The following CDH20 variants were observed in gnomAD, a reference collection of about 807,000 sequenced individuals.
CDH20 encodes cadherin-20.
In CDH20, 29 loss-of-function variants were observed where a neutral mutation model predicts 74.2. That is an observed-to-expected ratio of 0.39 (90% CI 0.29 to 0.53). The LOEUF is 0.53. CDH20 is among the 20% of genes least tolerant of loss of function. The pLI, the probability that CDH20 is intolerant of heterozygous loss-of-function variation, is 0.69. For missense variants in CDH20, 988 were observed against 1,048.3 expected, an observed-to-expected ratio of 0.94 and a Z score of 0.79; for synonymous variants, 469 against 405.4, an observed-to-expected ratio of 1.16 and a Z score of -1.88.
intron 1 of CDH20, among the ~76,000 whole-genome samples, chr18:61,418,431 G>A (rs776741868): frequency 6.6e-6 from 1 of 151,880 alleles, no homozygotes; most frequent in East Asian, 1.9e-4. Context: ...GTGGGCGCCT[G>A]TAGTCCCAGC....
At chr18:61,507,079 C>T (rs1460317158) in intron 5 of CDH20, among the ~76,000 whole-genome samples, 1 of 152,178 alleles carries the variant, frequency 6.6e-6, no homozygotes, top group Non-Finnish European at 1.5e-5. Context: ...GATTTGAATC[C>T]AAGGTACTTC....
chr18:61,344,667 G>C (rs1910058652), intron 1 of CDH20, among the ~76,000 whole-genome samples: 1 of 152,078 alleles, frequency 6.6e-6, no homozygotes, highest in African/African-American at 2.4e-5. Flanking sequence ...TTAAGTAAAT[G>C]AGCAAAATAA....
At chr18:61,426,644 T>C (rs1913080599) in intron 1 of CDH20, among the ~76,000 whole-genome samples, 1 of 152,214 alleles carries the variant, frequency 6.6e-6, no homozygotes, top group South Asian at 2.1e-4. Context: ...GTTCTCTCCA[T>C]GACAGGTCAG....
intron 1 of CDH20, among the ~76,000 whole-genome samples, chr18:61,352,291 G>A (rs1910330568): frequency 6.6e-6 from 1 of 152,214 alleles, no homozygotes. Flanking sequence ...GCATTGAGAG[G>A]AGCATAAAAG....
At chr18:61,550,324 T>C in intron 11 of CDH20, 95 bp downstream of exon 11, 1 of 1,433,952 alleles carries the variant, frequency 7.0e-7, no homozygotes, top group East Asian at 2.3e-5. Context: ...TCAGAACTGG[T>C]CTTCCACACC....
chr18:61,515,851 C>T (rs1026997496), intron 6 of CDH20, among the ~76,000 whole-genome samples: 6 of 151,044 alleles, frequency 4.0e-5, no homozygotes, highest in African/African-American at 9.7e-5. Flanking sequence ...GTGGGTGCAG[C>T]GCACCAGCAT....
chr18:61,476,286 A>G (rs896667370), intron 1 of CDH20, among the ~76,000 whole-genome samples: 2 of 152,160 alleles, frequency 1.3e-5, no homozygotes, highest in Non-Finnish European at 2.9e-5. Flanking sequence ...GTGCATGTGG[A>G]AATCACATGT....
intron 1 of CDH20, among the ~76,000 whole-genome samples, chr18:61,415,663 T>C (rs1254711459): frequency 6.6e-6 from 1 of 152,232 alleles, no homozygotes; most frequent in African/African-American, 2.4e-5. Context: ...AATGCTGCTC[T>C]CCACCTCTTT....
At chr18:61,472,919 T>C (rs773795748) in intron 1 of CDH20, among the ~76,000 whole-genome samples, 52 of 152,376 alleles carry the variant, frequency 3.4e-4, no homozygotes, top group Non-Finnish European at 5.4e-4. Flanking sequence ...GTCGTGCTTA[T>C]GTCTGTGAGT....
At chr18:61,379,443 G>A (rs1436721481) in intron 1 of CDH20, among the ~76,000 whole-genome samples, 2 of 152,088 alleles carry the variant, frequency 1.3e-5, no homozygotes, top group Admixed American at 6.6e-5. Flanking sequence ...TGACTTCTCT[G>A]GCTTTAAGAT....
chr18:61,526,360 C>T (rs1019430540), intron 6 of CDH20, among the ~76,000 whole-genome samples: 2 of 151,994 alleles, frequency 1.3e-5, no homozygotes, highest in African/African-American at 4.8e-5. Context: ...GTTAAAGCAG[C>T]ACCTACCGAT....
At chr18:61,502,570 T>C (rs558839606) in intron 4 of CDH20, among the ~76,000 whole-genome samples, 91 of 152,296 alleles carry the variant, frequency 6.0e-4, no homozygotes, top group African/African-American at 2.0e-3. Flanking sequence ...CACAGATTTG[T>C]AGACTTATGA....
chr18:61,457,533 T>A (rs750106688), intron 1 of CDH20, among the ~76,000 whole-genome samples: 1 of 152,164 alleles, frequency 6.6e-6, no homozygotes, highest in Non-Finnish European at 1.5e-5. Flanking sequence ...GACTACTTCT[T>A]CCTAGCTGGG....
chr18:61,447,833 T>G (rs963357682), intron 1 of CDH20, among the ~76,000 whole-genome samples: 18 of 152,170 alleles, frequency 1.2e-4, no homozygotes, highest in Non-Finnish European at 2.6e-4. Context: ...AGGTTACTCC[T>G]TCTCTCCTAG....
At chr18:61,397,211 T>C (rs184655492) in intron 1 of CDH20, among the ~76,000 whole-genome samples, 9 of 152,120 alleles carry the variant, frequency 5.9e-5, no homozygotes, top group African/African-American at 2.2e-4. Flanking sequence ...CCCACCCACA[T>C]CTCTGCCCTC....
intron 1 of CDH20, among the ~76,000 whole-genome samples, chr18:61,416,915 T>C (rs1912705221): frequency 6.6e-6 from 1 of 152,246 alleles, no homozygotes; most frequent in Non-Finnish European, 1.5e-5. Context: ...AAACTATAGA[T>C]ATATACCGTT....
In CDH20 at chr18:61,490,676, T is replaced by G; in HGVS notation, c.123T>G (p.Gly41=). ...TVLSDTPTPQ[G]ELEALLSDKP... ...TCTCGGACACCCCAACACCACAAGG[T>G]GAATTAGAAGCACTCCTGTCAGACA... The change falls in exon 2 of 12, where the codon GGT becomes GGG. Residue 41 remains glycine (G), a synonymous_variant. Transcript: ENST00000262717. 6.2e-7 allele frequency: 1 copy of G among 1,613,902 alleles called. No homozygotes were observed. Among genetic ancestry groups the G allele is most frequent in the Non-Finnish European group, 8.5e-7 (1 of 1,180,000 alleles).
intron 1 of CDH20, among the ~76,000 whole-genome samples, chr18:61,401,464 T>A (rs900598937): frequency 6.6e-6 from 1 of 152,208 alleles, no homozygotes; most frequent in African/African-American, 2.4e-5. Flanking sequence ...TACACACATA[T>A]ATTTATGTAT....
chr18:61,455,063 T>A (rs1452180937), intron 1 of CDH20, among the ~76,000 whole-genome samples: 2 of 152,186 alleles, frequency 1.3e-5, no homozygotes, highest in African/African-American at 4.8e-5. Flanking sequence ...ATTTCTGAAG[T>A]CACTTCCAGC....
Sources: allele counts gnomAD v4.1 joint callset (sites outside exome capture counted in the v4.1 genomes callset), GRCh38; gene constraint gnomAD v4.1.1; transcripts MANE v1.5; gene names NCBI Gene and HGNC (gene_info 2026-07-23, HGNC 2026-07-21).